MRPL1: variants seen among roughly 807,000 people sequenced by gnomAD.
MRPL1 encodes the protein mitochondrial ribosomal protein L1.
In MRPL1, 28 loss-of-function variants were observed where a neutral mutation model predicts 38.0. That is an observed-to-expected ratio of 0.74 (90% CI 0.55 to 1.01). The LOEUF is 1.01. Ranked by LOEUF, MRPL1 falls within the 50% of genes least tolerant of loss-of-function variation. MRPL1 has a pLI of 0.00. For missense variants in MRPL1, 358 were observed against 389.8 expected (o/e 0.92, Z 0.69); for synonymous variants, 123 against 126.7 (o/e 0.97, Z 0.20).
At chr4:77,932,147 C>G (rs549818471) in intron 7 of MRPL1, among the ~76,000 whole-genome samples, 1 of 152,222 alleles carries the variant, frequency 6.6e-6, no homozygotes, top group Non-Finnish European at 1.5e-5. Context: ...TCTGCCACTT[C>G]TGGGAGCAAC....
chr4:77,877,040 A>G (rs754428220), intron 2 of MRPL1, among the ~76,000 whole-genome samples: 5 of 152,168 alleles, frequency 3.3e-5, no homozygotes, highest in African/African-American at 4.8e-5. Context: ...AACAGGGATT[A>G]CAGGCGCGCA....
intron 7 of MRPL1, among the ~76,000 whole-genome samples, chr4:77,916,267 T>A (rs1388692049): frequency 6.6e-6 from 1 of 152,190 alleles, no homozygotes; most frequent in African/African-American, 2.4e-5. Context: ...TTTTGACATT[T>A]AAAAAATTTC....
chr4:77,914,544 T>TA (rs1204325063), intron 7 of MRPL1, among the ~76,000 whole-genome samples: 3 of 152,182 alleles, frequency 2.0e-5, no homozygotes, highest in Non-Finnish European at 4.4e-5. Flanking sequence ...TACAAAGTAG[T>TA]AAAAAACTGT....
intron 7 of MRPL1, among the ~76,000 whole-genome samples, chr4:77,926,208 T>G (rs1248982519): frequency 6.6e-6 from 1 of 152,222 alleles, no homozygotes; most frequent in African/African-American, 2.4e-5. Context: ...GCCCTTTCCT[T>G]GCCAGCACAT....
intron 7 of MRPL1, among the ~76,000 whole-genome samples, chr4:77,943,185 T>A (rs1282861514): frequency 6.6e-6 from 1 of 152,080 alleles, no homozygotes; most frequent in Non-Finnish European, 1.5e-5. Flanking sequence ...ATTTTTTTTT[T>A]AAGGAGGCTG....
chr4:77,866,612 T>G (rs1735149264), intron 1 of MRPL1, among the ~76,000 whole-genome samples: 1 of 152,144 alleles, frequency 6.6e-6, no homozygotes, highest in Non-Finnish European at 1.5e-5. Flanking sequence ...CACTCTGCTG[T>G]AACCAGCTGG....
intron 7 of MRPL1, among the ~76,000 whole-genome samples, chr4:77,945,369 A>G (rs1007115594): frequency 4.6e-4 from 70 of 152,048 alleles, no homozygotes; most frequent in African/African-American, 1.6e-3. Context: ...GTGCTTATCC[A>G]AAGCAGCAGT....
At chr4:77,865,646 TCTGAGCCACTGCAC>T (rs1209042769) in intron 1 of MRPL1, among the ~76,000 whole-genome samples, 1 of 152,148 alleles carries the variant, frequency 6.6e-6, no homozygotes, top group East Asian at 1.9e-4. Flanking sequence ...CAGTACAGGC[TCTGAGCCACTGCAC>T]CTGGCTGACT....
chr4:77,863,776 C>A (rs1352419761), intron 1 of MRPL1, among the ~76,000 whole-genome samples: 4 of 151,942 alleles, frequency 2.6e-5, no homozygotes, highest in Non-Finnish European at 1.5e-5. Flanking sequence ...CTGTGCAACG[C>A]TTTTTGCTTT....
At chr4:77,928,056 G>C (rs1215136605) in intron 7 of MRPL1, among the ~76,000 whole-genome samples, 1 of 152,156 alleles carries the variant, frequency 6.6e-6, no homozygotes, top group African/African-American at 2.4e-5. Flanking sequence ...TGTAGACATG[G>C]TCCAATTATA....
intron 3 of MRPL1, among the ~76,000 whole-genome samples, chr4:77,884,244 C>CAAAAA (rs369596317): frequency 2.2e-5 from 2 of 89,128 alleles, no homozygotes; most frequent in African/African-American, 7.8e-5. Context: ...GACTCCATCT[C>CAAAAA]AAAAAAAAAA....
intron 7 of MRPL1, among the ~76,000 whole-genome samples, chr4:77,915,535 T>C (rs950191304): frequency 2.3e-4 from 35 of 151,750 alleles, no homozygotes; most frequent in Admixed American, 1.8e-3. Context: ...CTCAGCTCCT[T>C]AACCCAGTAG....
At chr4:77,919,846 T>C (rs916749285) in intron 7 of MRPL1, among the ~76,000 whole-genome samples, 2 of 144,982 alleles carry the variant, frequency 1.4e-5, no homozygotes, top group Admixed American at 1.4e-4. Context: ...TATATATATA[T>C]ATATGTGTGT....
At chr4:77,878,394 A>T (rs1405756358) in intron 2 of MRPL1, among the ~76,000 whole-genome samples, 1 of 152,212 alleles carries the variant, frequency 6.6e-6, no homozygotes, top group East Asian at 1.9e-4. Flanking sequence ...CCATTCCATT[A>T]ATATGCCCTA....
At chr4:77,915,805 A>AT (rs1270682219) in intron 7 of MRPL1, among the ~76,000 whole-genome samples, 1 of 152,238 alleles carries the variant, frequency 6.6e-6, no homozygotes, top group African/African-American at 2.4e-5. Flanking sequence ...TCAAATGCTC[A>AT]TATCAGTGAA....
At chr4:77,880,688 A>G (rs1735518051) in intron 2 of MRPL1, among the ~76,000 whole-genome samples, 2 of 152,218 alleles carry the variant, frequency 1.3e-5, no homozygotes, top group Non-Finnish European at 2.9e-5. Context: ...TGAGAAAATT[A>G]CATCACCTCT....
At chr4:77,924,764 T>C (rs927830697) in intron 7 of MRPL1, among the ~76,000 whole-genome samples, 1 of 152,228 alleles carries the variant, frequency 6.6e-6, no homozygotes, top group Non-Finnish European at 1.5e-5. Flanking sequence ...ATGGTACATA[T>C]CGGTACTCAG....
At chr4:77,931,397 G>A (rs953374205) in intron 7 of MRPL1, among the ~76,000 whole-genome samples, 4 of 152,186 alleles carry the variant, frequency 2.6e-5, no homozygotes, top group African/African-American at 9.7e-5. Context: ...TCGAAAGGTG[G>A]CACATGTTCC....
Position 77,909,326 on chromosome 4 carries a change from AG to A in MRPL1, c.733del (p.Val245Ter), listed in dbSNP as rs1221775912. On this transcript the variant is annotated frameshift_variant, in exon 7 of 9. Coordinates refer to ENST00000315567, the MANE Select transcript of MRPL1 (RefSeq NM_020236.4). LOFTEE classifies it high-confidence loss of function. ...TTATTTAAAAATGGACATGAAATTA[AG>A]GTAGATGAAGAAAGGGAGAACTTTC... Reference protein sequence around the residue: ...LELFKNGHEIKVDEERENFLQ... With the variant: ...LELFKNGHEIXVDEERENFLQ... 2 of 1,611,018 alleles carry A rather than the reference AG, an allele frequency of 1.2e-6. No individual in the cohort carries two copies.
Sources: gnomAD v4.1 joint callset for allele counts (sites outside exome capture counted in the v4.1 genomes callset) on GRCh38, gnomAD v4.1.1 for gene constraint, MANE v1.5 for transcripts, NCBI Gene and HGNC (gene_info 2026-07-23, HGNC 2026-07-21) for gene names.